The following CEP78 variants were observed in gnomAD, a reference collection of about 807,000 sequenced individuals.
CEP78 encodes centrosomal protein of 78 kDa.
CEP78 carries 76 observed loss-of-function variants against 81.2 expected under a neutral mutation model. The ratio of observed to expected loss-of-function variants is 0.94; its 90% confidence interval spans 0.78 to 1.13. The LOEUF is 1.13. Ranked by LOEUF, CEP78 falls within the 50% of genes most tolerant of loss-of-function variation. The probability of loss-of-function intolerance (pLI) is 0.00; values close to 1 mark genes in which losing one functional copy is unlikely to be tolerated. For synonymous variants in CEP78, 293 were observed against 301.4 expected (o/e 0.97, Z 0.29); for missense variants, 918 against 846.8 (o/e 1.08, Z -1.04).
chr9:78,262,248 G>A (rs1440064278), intron 11 of CEP78, among the ~76,000 whole-genome samples: 1 of 144,084 alleles, frequency 6.9e-6, no homozygotes, highest in Non-Finnish European at 1.5e-5. Context: ...GCTTTTAGTT[G>A]TAAACAGTCC....
chr9:78,236,249 C>A lies in CEP78; in HGVS notation c.-102C>A. 1 of 1,039,854 alleles carries A rather than the reference C, an allele frequency of 9.6e-7. No homozygotes were observed. The highest frequency in any genetic ancestry group is 1.4e-6 in the Non-Finnish European group (1 of 732,714). 64.4% of individuals were successfully genotyped at this position (1,039,854 alleles called of 1,614,324 possible). On this transcript the variant is annotated 5_prime_UTR_variant, in exon 1 of 17. Coordinates refer to ENST00000643273, the MANE Select transcript of CEP78 (RefSeq NM_001330691.3). The stretch of plus-strand genomic sequence containing the variant: ...GCCCGGTGCGGGGCTGCCGCTATCG[C>A]CTGGCCGTGGGTGCCGGAGCGGCCG...
Position 78,271,884 on chromosome 9 carries a change from CT to C in CEP78, c.*1036del. 1 of 151,692 alleles carries C rather than the reference CT, an allele frequency of 6.6e-6. No homozygotes were observed. Among genetic ancestry groups the C allele is most frequent in the Non-Finnish European group, 1.5e-5 (1 of 68,022 alleles). The allele number at this position is 151,692 out of a possible 1,614,324, so 9.4% of individuals were successfully genotyped here. ...TAAAAAATTATTGTAGAGTTGGGTT[CT>C]TTCTTTCTTTTCTTTTTTTCTTTTT... is the stretch of plus-strand genomic sequence containing the variant. On this transcript the variant is annotated 3_prime_UTR_variant, in exon 17 of 17. Transcript: ENST00000643273.
At chr9:78,239,169 A>G (rs1043974173) in intron 1 of CEP78, among the ~76,000 whole-genome samples, 3 of 151,784 alleles carry the variant, frequency 2.0e-5, no homozygotes, top group African/African-American at 7.3e-5. Flanking sequence ...TATCTCTTGC[A>G]TCTAGTGGGT....
At position 78,243,516 on chromosome 9, in the gene CEP78, A is replaced by C. The variant is rs540794439; in HGVS notation, c.658A>C (p.Arg220=). The C allele has an allele frequency of 3.5e-5, 56 of 1,613,848 alleles. No individual in the cohort carries two copies. In the South Asian group the frequency reaches 5.7e-4, roughly 16 times the overall value. The change falls in exon 5 of 17, where the codon AGA becomes CGA. Residue 220 remains arginine, a synonymous_variant. Coordinates refer to ENST00000643273, the MANE Select transcript of CEP78 (RefSeq NM_001330691.3). ...CTGGGCTGAGAGTCTTCGCTATAGGAGACCTGATCTTGACTGTATGGCTGG... is the reference window on the plus strand; with the variant it reads ...CTGGGCTGAGAGTCTTCGCTATAGGCGACCTGATCTTGACTGTATGGCTGG... The part of the protein sequence containing the change: ...ETWAESLRYR[R]PDLDCMAGLR...
chr9:78,240,681 C>T (rs1195033735), intron 3 of CEP78, among the ~76,000 whole-genome samples: 1 of 152,124 alleles, frequency 6.6e-6, no homozygotes, highest in Non-Finnish European at 1.5e-5. Flanking sequence ...TGTAAAGAGG[C>T]CGGGCGTGGT....
intron 1 of CEP78, among the ~76,000 whole-genome samples, chr9:78,236,969 C>CTTTTT (rs71360676): frequency 0.03 from 1,893 of 62,110 alleles, 445 homozygotes; most frequent in Middle Eastern, 0.052. Context: ...CAGCCTTTGT[C>CTTTTT]TTTTTTTTTT....
intron 5 of CEP78, among the ~76,000 whole-genome samples, chr9:78,245,165 G>T (rs1826419640): frequency 6.6e-6 from 1 of 151,374 alleles, no homozygotes. Flanking sequence ...GTCAGTTAGG[G>T]CTTCATAGAA....
At chr9:78,247,241 A>G (rs1303429807) in intron 6 of CEP78, among the ~76,000 whole-genome samples, 1 of 152,238 alleles carries the variant, frequency 6.6e-6, no homozygotes, top group African/African-American at 2.4e-5. Flanking sequence ...AAGTGCAAAA[A>G]TACCGTAAGG....
At chr9:78,258,598 CTCTT>C (rs1827142339) in intron 11 of CEP78, among the ~76,000 whole-genome samples, 1 of 152,244 alleles carries the variant, frequency 6.6e-6, no homozygotes, top group South Asian at 2.1e-4. Flanking sequence ...ATGAACCAAA[CTCTT>C]ACTTAGTAAA....
At chr9:78,267,139 T>G in intron 16 of CEP78, 1 of 894,792 alleles carries the variant, frequency 1.1e-6, no homozygotes, top group Non-Finnish European at 1.6e-6. Flanking sequence ...CTTTTTATTA[T>G]AGTGAAATTT....
rs1295025563 is a variant in CEP78 at position 78,274,806 on chromosome 9, ACTT to A, written c.*3958_*3960del. 1.3e-5 allele frequency: 2 copies of A among 152,204 alleles called. No individual in the cohort carries two copies. The highest frequency in any genetic ancestry group is 4.8e-5 in the African/African-American group (2 of 41,456). 9.4% of individuals were successfully genotyped at this position (152,204 alleles called of 1,614,324 possible). Reference sequence around the variant, plus strand: ...TGCAAATTATTTAGAATTAATAAAAACTTCTCTAAAGCTGAGGAATTCTACCAA... The same window carrying A: ...TGCAAATTATTTAGAATTAATAAAAACTCTAAAGCTGAGGAATTCTACCAA... On this transcript the variant is annotated 3_prime_UTR_variant, in exon 17 of 17. Transcript: ENST00000643273.
intron 11 of CEP78, among the ~76,000 whole-genome samples, chr9:78,259,175 A>G (rs1012500580): frequency 1.3e-5 from 2 of 152,394 alleles, no homozygotes; most frequent in South Asian, 2.1e-4. Flanking sequence ...GCAACAACAG[A>G]TGAATTGTAA....
chr9:78,245,798 T>A (rs912873459), intron 5 of CEP78, among the ~76,000 whole-genome samples: 2 of 152,202 alleles, frequency 1.3e-5, no homozygotes, highest in Admixed American at 6.5e-5. Context: ...GTATATAATC[T>A]CTATAATCTC....
intron 5 of CEP78, among the ~76,000 whole-genome samples, chr9:78,246,258 C>T (rs1458673099): frequency 6.6e-6 from 1 of 151,588 alleles, no homozygotes; most frequent in Non-Finnish European, 1.5e-5. Flanking sequence ...TAGTCTTGGG[C>T]AGGAGTCTTC....
intron 4 of CEP78, 125 bp from the exon 5 acceptor site, chr9:78,243,337 A>ACC: frequency 1.4e-6 from 1 of 697,626 alleles, no homozygotes. Context: ...TGTCAGATTA[A>ACC]CCCACCTGGC....
Position 78,265,438 on chromosome 9 carries a change from G to A in CEP78, c.1692G>A (p.Gln564=). The stretch of plus-strand genomic sequence containing the variant: ...ATTTTCAATTACTAGGTCATCCCCA[G>A]ATGACTTCTACTGTTAGTAATCCAC... ...QSDFQLLGHP[Q]MTSTVSNPPK... is the part of the protein sequence containing the mutation. Residue 564 remains glutamine (Q), a synonymous_variant, in exon 14 of 17, where the codon CAG becomes CAA. Transcript: ENST00000643273. The A allele has an allele frequency of 1.9e-6, 3 of 1,602,340 alleles. No homozygotes were observed. Among genetic ancestry groups the A allele is most frequent in the Non-Finnish European group, 2.6e-6 (3 of 1,174,120 alleles).
At position 78,236,556 on chromosome 9, in the gene CEP78, C is replaced by T; in HGVS notation, c.206C>T (p.Pro69Leu). 1 of 1,586,260 alleles carries T rather than the reference C, an allele frequency of 6.3e-7. No individual in the cohort carries two copies. The highest frequency in any genetic ancestry group is 2.3e-5 in the East Asian group (1 of 44,136). Residue 69 changes from proline to leucine, a missense_variant, in exon 1 of 17, where the codon CCC becomes CTC. Physicochemically the swap from Pro to Leu is moderately conservative, Grantham distance 98 (BLOSUM62 -3). Coordinates refer to ENST00000643273, the MANE Select transcript of CEP78 (RefSeq NM_001330691.3). The stretch of plus-strand genomic sequence containing the variant: ...ACCCTCAAGATCAATAAAGACCTGC[C>T]CTTGGTCTCCATCAAGAGCTTCTTC... Reference protein sequence around the residue: ...LSTLKINKDLPLVSIKSFFQP... With the variant: ...LSTLKINKDLLLVSIKSFFQP...
chr9:78,258,198 A>G (rs1321054145), intron 11 of CEP78, among the ~76,000 whole-genome samples: 1 of 152,192 alleles, frequency 6.6e-6, no homozygotes, highest in Admixed American at 6.5e-5. Flanking sequence ...CTTTTCAGAA[A>G]AGAAGCTAAA....
chr9:78,271,488 A>G lies in CEP78; in HGVS notation c.*637A>G, dbSNP rs1030288025. 1 of 152,188 alleles carries G rather than the reference A, an allele frequency of 6.6e-6. No individual in the cohort carries two copies. Among genetic ancestry groups the G allele is most frequent in the African/African-American group, 2.4e-5 (1 of 41,444 alleles). 9.4% of individuals were successfully genotyped at this position (152,188 alleles called of 1,614,324 possible). On this transcript the variant is annotated 3_prime_UTR_variant, in exon 17 of 17. Coordinates refer to ENST00000643273, the MANE Select transcript of CEP78 (RefSeq NM_001330691.3). ...AGGATGCCATGAAAAAAATATTTAG[A>G]GTTTCTGGAAATTAAAAATTTGATT...
Sources: gnomAD v4.1 joint callset for allele counts (sites outside exome capture counted in the v4.1 genomes callset) on GRCh38, gnomAD v4.1.1 for gene constraint, MANE v1.5 for transcripts, NCBI Gene and HGNC (gene_info 2026-07-23, HGNC 2026-07-21) for gene names.